DACH1: variants seen among roughly 807,000 people sequenced by gnomAD.
DACH1 encodes the protein dachshund homolog 1.
A neutral mutation model predicts 54.2 loss-of-function variants in DACH1; 12 were observed. That is an observed-to-expected ratio of 0.22 (90% CI 0.14 to 0.36). The LOEUF (loss-of-function observed/expected upper bound fraction) is 0.36, where lower values mean the gene tolerates loss of function less well. Among genes scored for constraint, DACH1 ranks in the 10% least tolerant of loss-of-function variants. The pLI, the probability that DACH1 is intolerant of heterozygous loss-of-function variation, is 1.00. For synonymous variants in DACH1, 386 were observed against 366.2 expected, an observed-to-expected ratio of 1.05 and a Z score of -0.62; for missense variants, 805 against 929.8, an observed-to-expected ratio of 0.87 and a Z score of 1.75.
At chr13:71,558,841 C>T (rs1386944632) in intron 5 of DACH1, among the ~76,000 whole-genome samples, 2 of 151,962 alleles carry the variant, frequency 1.3e-5, no homozygotes, top group African/African-American at 4.8e-5. Context: ...CAATAGCTCC[C>T]AGATCAACAA....
intron 6 of DACH1, among the ~76,000 whole-genome samples, chr13:71,545,176 T>A (rs988267530): frequency 6.6e-6 from 1 of 152,214 alleles, no homozygotes; most frequent in East Asian, 1.9e-4. Flanking sequence ...GTCACGGACA[T>A]TCGCTAATTT....
At chr13:71,852,455 G>A (rs1380911968) in intron 1 of DACH1, among the ~76,000 whole-genome samples, 1 of 151,660 alleles carries the variant, frequency 6.6e-6, no homozygotes, top group East Asian at 1.9e-4. Context: ...ATGAACAAAT[G>A]AACTATAGAT....
chr13:71,651,751 T>C (rs1346261423), intron 2 of DACH1, among the ~76,000 whole-genome samples: 2 of 152,138 alleles, frequency 1.3e-5, no homozygotes, highest in African/African-American at 4.8e-5. Flanking sequence ...TGCATATACA[T>C]GAAATGTATG....
intron 1 of DACH1, among the ~76,000 whole-genome samples, chr13:71,826,356 T>TTTC (rs1212475357): frequency 1.3e-5 from 2 of 152,088 alleles, no homozygotes; most frequent in African/African-American, 4.8e-5. Flanking sequence ...TTTCAAGAAT[T>TTTC]TTCTCCCAGT....
intron 3 of DACH1, among the ~76,000 whole-genome samples, chr13:71,621,388 T>C (rs1031840198): frequency 1.3e-5 from 2 of 152,064 alleles, no homozygotes; most frequent in Admixed American, 6.6e-5. Flanking sequence ...AACAGACTAA[T>C]TAAATCACAG....
At chr13:71,484,722 C>A (rs1878333901) in intron 7 of DACH1, among the ~76,000 whole-genome samples, 1 of 152,042 alleles carries the variant, frequency 6.6e-6, no homozygotes, top group Non-Finnish European at 1.5e-5. Flanking sequence ...ACAAGATAAA[C>A]AAAGTAAATA....
At chr13:71,536,248 A>G (rs939861601) in intron 6 of DACH1, among the ~76,000 whole-genome samples, 8 of 152,162 alleles carry the variant, frequency 5.3e-5, no homozygotes, top group Non-Finnish European at 1.0e-4. Flanking sequence ...ACTAAAATTT[A>G]CACTCAAAAT....
At chr13:71,733,909 C>T (rs1262526155) in intron 1 of DACH1, among the ~76,000 whole-genome samples, 1 of 151,918 alleles carries the variant, frequency 6.6e-6, no homozygotes, top group African/African-American at 2.4e-5. Context: ...ATTAGCCAGG[C>T]ATGGTGGCCC....
At chr13:71,844,970 A>C (rs963823141) in intron 1 of DACH1, among the ~76,000 whole-genome samples, 6 of 152,166 alleles carry the variant, frequency 3.9e-5, no homozygotes, top group Non-Finnish European at 7.4e-5. Flanking sequence ...GGCAGGAGAA[A>C]GGAGGGAAGA....
chr13:71,791,148 T>A (rs1312632255), intron 1 of DACH1, among the ~76,000 whole-genome samples: 2 of 152,200 alleles, frequency 1.3e-5, no homozygotes, highest in Non-Finnish European at 2.9e-5. Flanking sequence ...TACAGTGATC[T>A]TCCTTTAGTC....
At chr13:71,638,167 C>A (rs1032338720) in intron 2 of DACH1, among the ~76,000 whole-genome samples, 4 of 152,124 alleles carry the variant, frequency 2.6e-5, no homozygotes, top group African/African-American at 9.7e-5. Context: ...TAGATTATAG[C>A]CAATGGTAGT....
chr13:71,732,584 TA>T (rs768740365), intron 1 of DACH1, among the ~76,000 whole-genome samples: 2,164 of 110,584 alleles, frequency 0.02, 26 homozygotes, highest in African/African-American at 0.048. Flanking sequence ...AGACTATTTC[TA>T]AAAAAAAAAA....
intron 1 of DACH1, among the ~76,000 whole-genome samples, chr13:71,687,828 C>T (rs758150443): frequency 1.3e-5 from 2 of 152,068 alleles, no homozygotes; most frequent in Non-Finnish European, 2.9e-5. Context: ...AGGCTGGTCT[C>T]GAATTCCTGG....
At chr13:71,852,351 A>G (rs1286891656) in intron 1 of DACH1, among the ~76,000 whole-genome samples, 1 of 147,994 alleles carries the variant, frequency 6.8e-6, no homozygotes, top group Non-Finnish European at 1.5e-5. Flanking sequence ...ACATTGTTAC[A>G]TTTAAAGTGC....
chr13:71,795,317 C>T (rs1413704259), intron 1 of DACH1, among the ~76,000 whole-genome samples: 1 of 152,122 alleles, frequency 6.6e-6, no homozygotes, highest in Non-Finnish European at 1.5e-5. Flanking sequence ...TAATGCTTCT[C>T]CCAAATTCCA....
chr13:71,472,033 G>T (rs190740486), intron 10 of DACH1, among the ~76,000 whole-genome samples: 231 of 152,202 alleles, frequency 1.5e-3, no homozygotes, highest in Admixed American at 2.7e-3. Flanking sequence ...CTTGAGTAGG[G>T]TAAATTTTTC....
intron 8 of DACH1, 117 bp from the exon 9 acceptor site, chr13:71,475,966 C>G: frequency 9.4e-6 from 7 of 746,356 alleles, no homozygotes; most frequent in Non-Finnish European, 1.1e-5. Flanking sequence ...TGAACTGAGT[C>G]TACCTATAAA....
At chr13:71,779,990 CATCCT>C (rs1256511025) in intron 1 of DACH1, among the ~76,000 whole-genome samples, 1 of 151,748 alleles carries the variant, frequency 6.6e-6, no homozygotes, top group African/African-American at 2.4e-5. Context: ...GCTTCAAAAA[CATCCT>C]ATGAAGGAAG....
At chr13:71,450,047 T>C (rs938192303) in intron 10 of DACH1, among the ~76,000 whole-genome samples, 1 of 152,098 alleles carries the variant, frequency 6.6e-6, no homozygotes, top group Non-Finnish European at 1.5e-5. Context: ...TGTGCACATG[T>C]ACCCTAAAAC....
Sources: gnomAD v4.1 joint callset for allele counts (sites outside exome capture counted in the v4.1 genomes callset) on GRCh38, gnomAD v4.1.1 for gene constraint, MANE v1.5 for transcripts, NCBI Gene and HGNC (gene_info 2026-07-23, HGNC 2026-07-21) for gene names.